The following SPATA16 variants were observed in gnomAD, a reference collection of about 807,000 sequenced individuals.
The protein encoded by SPATA16 is spermatogenesis-associated protein 16.
SPATA16 carries 36 observed loss-of-function variants against 63.3 expected under a neutral mutation model. That is an observed-to-expected ratio of 0.57 (90% CI 0.44 to 0.75). SPATA16 has a LOEUF of 0.75. SPATA16 is among the 30% of genes least tolerant of loss of function. The pLI is 0.00. For missense variants in SPATA16, 646 were observed against 679.3 expected, an observed-to-expected ratio of 0.95 and a Z score of 0.54; for synonymous variants, 203 against 216.7, an observed-to-expected ratio of 0.94 and a Z score of 0.56.
rs144464993 is a variant in SPATA16 at position 172,998,898 on chromosome 3, C to G, written c.848+20588G>C. Among the ~76,000 whole-genome samples the G allele has an allele frequency of 1.1e-4, 16 of 152,202 alleles. No homozygotes were observed. The East Asian group carries it at 3.1e-3, about 29-fold the overall frequency. ...TTTTCTATACCTGGAATACATTCCA[C>G]TTGATAAAGGAGTATGATTCTTTTT... On this transcript the variant is annotated intron_variant, in intron 4 of 10. Transcript: ENST00000351008.
At chr3:172,933,586 T>C (rs746805520) in intron 6 of SPATA16, among the ~76,000 whole-genome samples, 3 of 152,154 alleles carry the variant, frequency 2.0e-5, no homozygotes, top group Non-Finnish European at 2.9e-5. Context: ...GAACACCAGG[T>C]AGAATTTGAG....
At chr3:173,088,824 T>A (rs11921504) in intron 2 of SPATA16, among the ~76,000 whole-genome samples, 5,577 of 152,288 alleles carry the variant, frequency 0.037, 348 homozygotes, top group African/African-American at 0.13. Flanking sequence ...CTTAAAAGCC[T>A]ACTGTGTTGT....
chr3:172,949,783 C>T (rs1733385145), intron 6 of SPATA16, among the ~76,000 whole-genome samples: 1 of 151,826 alleles, frequency 6.6e-6, no homozygotes, highest in Non-Finnish European at 1.5e-5. Context: ...ACTGGTAAGA[C>T]CATCAAGAAT....
intron 2 of SPATA16, among the ~76,000 whole-genome samples, chr3:173,065,820 C>A (rs1468409535): frequency 6.6e-6 from 1 of 150,520 alleles, no homozygotes; most frequent in African/African-American, 2.4e-5. Context: ...GAGGGGAATT[C>A]CCTGACCCAG....
At chr3:173,024,690 A>G (rs1232096161) in intron 3 of SPATA16, among the ~76,000 whole-genome samples, 1 of 150,784 alleles carries the variant, frequency 6.6e-6, no homozygotes, top group Non-Finnish European at 1.5e-5. Context: ...ACTAAAATTA[A>G]GTTGCTAGAG....
chr3:172,949,355 G>A (rs1295606415), intron 6 of SPATA16, among the ~76,000 whole-genome samples: 1 of 152,092 alleles, frequency 6.6e-6, no homozygotes, highest in East Asian at 1.9e-4. Context: ...TTAATTGCGA[G>A]CCAAGTATTA....
At chr3:172,917,696 T>C (rs1180483358) in intron 8 of SPATA16, among the ~76,000 whole-genome samples, 1 of 152,206 alleles carries the variant, frequency 6.6e-6, no homozygotes, top group East Asian at 1.9e-4. Context: ...TAAAGACTAT[T>C]TTGGTTTGCG....
intron 6 of SPATA16, among the ~76,000 whole-genome samples, chr3:172,932,725 T>C (rs1389547313): frequency 6.6e-6 from 1 of 152,178 alleles, no homozygotes; most frequent in Non-Finnish European, 1.5e-5. Flanking sequence ...ACAGATAGTA[T>C]ATTTTGATTT....
chr3:173,009,691 T>C (rs1309872779), intron 4 of SPATA16, among the ~76,000 whole-genome samples: 4 of 152,242 alleles, frequency 2.6e-5, no homozygotes, highest in Non-Finnish European at 5.9e-5. Flanking sequence ...CCCACCGGCT[T>C]GGGCCTCCAG....
intron 3 of SPATA16, among the ~76,000 whole-genome samples, chr3:173,048,450 T>C (rs775693907): frequency 6.6e-5 from 10 of 151,840 alleles, no homozygotes; most frequent in African/African-American, 1.5e-4. Context: ...AGGATAGAAA[T>C]ATAAAAAAGA....
intron 4 of SPATA16, among the ~76,000 whole-genome samples, chr3:173,000,434 A>T (rs1274521352): frequency 6.6e-6 from 1 of 152,174 alleles, no homozygotes; most frequent in African/African-American, 2.4e-5. Context: ...GGAGAAGTTG[A>T]ATTTAATTCT....
At chr3:172,959,988 G>A (rs9857900) in intron 5 of SPATA16, among the ~76,000 whole-genome samples, 75,830 of 150,700 alleles carry the variant, frequency 0.5, 20,268 homozygotes, top group Non-Finnish European at 0.57. Context: ...ATTTAGAGTT[G>A]GACTTGTCTT....
At chr3:173,049,142 T>A (rs757676948) in intron 2 of SPATA16, 48 bp from the exon 3 acceptor site, 1 of 1,547,932 alleles carries the variant, frequency 6.5e-7, no homozygotes, top group South Asian at 1.2e-5. Flanking sequence ...TTTCATATAA[T>A]TTATCTTTTA....
chr3:172,949,906 A>G (rs1733388258), intron 6 of SPATA16, among the ~76,000 whole-genome samples: 1 of 152,164 alleles, frequency 6.6e-6, no homozygotes, highest in Non-Finnish European at 1.5e-5. Context: ...GTTTGTGTTT[A>G]TGTACATGTG....
intron 2 of SPATA16, among the ~76,000 whole-genome samples, chr3:173,087,226 T>C (rs2108316760): frequency 6.6e-6 from 1 of 152,304 alleles, no homozygotes; most frequent in Admixed American, 6.5e-5. Context: ...GGTGCATATA[T>C]ATTTAGGATA....
chr3:173,115,393 T>C (rs1737867893), intron 2 of SPATA16, among the ~76,000 whole-genome samples: 1 of 152,344 alleles, frequency 6.6e-6, no homozygotes, highest in East Asian at 1.9e-4. Flanking sequence ...CAGCTGAAGA[T>C]GGCCCTGGCA....
chr3:173,130,881 G>A (rs1314125397), intron 1 of SPATA16, among the ~76,000 whole-genome samples: 5 of 152,074 alleles, frequency 3.3e-5, no homozygotes, highest in African/African-American at 1.2e-4. Flanking sequence ...TATTTCTTCT[G>A]AATCTTTTTC....
chr3:172,979,933 T>TA (rs1734259484), intron 4 of SPATA16, among the ~76,000 whole-genome samples: 1 of 152,256 alleles, frequency 6.6e-6, no homozygotes, highest in African/African-American at 2.4e-5. Context: ...TTTCTTTCGA[T>TA]ACCTGGCATG....
intron 9 of SPATA16, among the ~76,000 whole-genome samples, chr3:172,915,419 T>A (rs1378132699): frequency 1.3e-5 from 2 of 152,230 alleles, no homozygotes; most frequent in East Asian, 3.9e-4. Context: ...TCTTTAGTCA[T>A]CTGAAAATTA....
Sources: gnomAD v4.1 joint callset for allele counts (sites outside exome capture counted in the v4.1 genomes callset) on GRCh38, gnomAD v4.1.1 for gene constraint, MANE v1.5 for transcripts, NCBI Gene and HGNC (gene_info 2026-07-23, HGNC 2026-07-21) for gene names.